DGKI: variants seen among roughly 807,000 people sequenced by gnomAD.
The protein encoded by DGKI is diacylglycerol kinase iota.
In DGKI, 55 loss-of-function variants were observed where a neutral mutation model predicts 147.5. The observed-to-expected ratio is 0.37, with a 90% CI of 0.30 to 0.47. The LOEUF (loss-of-function observed/expected upper bound fraction) is 0.47, where lower values mean the gene tolerates loss of function less well. Ranked by LOEUF, DGKI falls within the 20% of genes least tolerant of loss-of-function variation. The pLI, the probability that DGKI is intolerant of heterozygous loss-of-function variation, is 1.00. For synonymous variants in DGKI, 469 were observed against 477.1 expected (o/e 0.98, Z 0.22); for missense variants, 1,007 against 1,323.8 (o/e 0.76, Z 3.71).
intron 28 of DGKI, among the ~76,000 whole-genome samples, chr7:137,418,925 T>A (rs954930400): frequency 3.3e-5 from 5 of 152,152 alleles, no homozygotes; most frequent in Admixed American, 1.3e-4. Flanking sequence ...TCTTGAGGAG[T>A]AATAATACTC....
intron 1 of DGKI, among the ~76,000 whole-genome samples, chr7:137,735,267 T>G (rs1461002664): frequency 1.3e-5 from 2 of 152,164 alleles, no homozygotes; most frequent in African/African-American, 4.8e-5. Flanking sequence ...TGCCTCATAC[T>G]TTTGTTTTAG....
At chr7:137,787,355 C>A (rs1050047975) in intron 1 of DGKI, among the ~76,000 whole-genome samples, 1 of 152,042 alleles carries the variant, frequency 6.6e-6, no homozygotes, top group African/African-American at 2.4e-5. Flanking sequence ...GACCAACAAG[C>A]ACAGGAAAAA....
intron 1 of DGKI, among the ~76,000 whole-genome samples, chr7:137,711,853 C>T (rs1176437529): frequency 6.6e-6 from 1 of 151,732 alleles, no homozygotes; most frequent in African/African-American, 2.4e-5. Context: ...ACCAACACAC[C>T]CAGCTAGTTT....
intron 10 of DGKI, among the ~76,000 whole-genome samples, chr7:137,606,561 T>C (rs1052540526): frequency 2.0e-5 from 3 of 152,216 alleles, no homozygotes; most frequent in Admixed American, 2.0e-4. Flanking sequence ...CCACCCCGAC[T>C]TACTGAAGCA....
intron 6 of DGKI, among the ~76,000 whole-genome samples, chr7:137,638,617 C>CATATATGTGTATATAT (rs1563125886): frequency 0.019 from 108 of 5,590 alleles, 15 homozygotes; most frequent in African/African-American, 0.041. Flanking sequence ...TATATACACA[C>CATATATGTGTATATAT]ACACATATAT....
chr7:137,407,694 C>T (rs923877244), intron 30 of DGKI, among the ~76,000 whole-genome samples, 181 bp downstream of exon 30: 1 of 152,104 alleles, frequency 6.6e-6, no homozygotes, highest in African/African-American at 2.4e-5. Context: ...TAGGATGGCC[C>T]GTATGTGTCA....
chr7:137,783,293 A>G (rs1006564623), intron 1 of DGKI, among the ~76,000 whole-genome samples: 1 of 152,244 alleles, frequency 6.6e-6, no homozygotes, highest in African/African-American at 2.4e-5. Context: ...AAACCATCAC[A>G]ACTTCTGGAA....
At chr7:137,738,722 G>GT (rs201164580) in intron 1 of DGKI, among the ~76,000 whole-genome samples, 4,713 of 31,912 alleles carry the variant, frequency 0.15, 192 homozygotes, top group East Asian at 0.44. Flanking sequence ...AGAAGATGAG[G>GT]TTCCCCCCCC....
At chr7:137,830,299 G>A (rs757313665) in intron 1 of DGKI, among the ~76,000 whole-genome samples, 9 of 152,198 alleles carry the variant, frequency 5.9e-5, no homozygotes, top group Non-Finnish European at 1.2e-4. Flanking sequence ...TATGCCTATG[G>A]TATGTAGGTG....
At chr7:137,512,305 T>C (rs964200204) in intron 21 of DGKI, among the ~76,000 whole-genome samples, 1 of 152,210 alleles carries the variant, frequency 6.6e-6, no homozygotes, top group Non-Finnish European at 1.5e-5. Context: ...ACAACAGCCC[T>C]CTGTAAACCA....
chr7:137,615,500 GATACAT>G (rs959051301), intron 8 of DGKI, among the ~76,000 whole-genome samples: 1 of 149,702 alleles, frequency 6.7e-6, no homozygotes, highest in Non-Finnish European at 1.5e-5. Flanking sequence ...ATAGAATATA[GATACAT>G]ATACATATAT....
chr7:137,727,111 T>C (rs1433029201), intron 1 of DGKI, among the ~76,000 whole-genome samples: 4 of 152,122 alleles, frequency 2.6e-5, no homozygotes, highest in Non-Finnish European at 5.9e-5. Flanking sequence ...CACTTCCTAA[T>C]GTTATTTCCA....
intron 12 of DGKI, among the ~76,000 whole-genome samples, chr7:137,591,195 G>C (rs1324187080): frequency 6.6e-6 from 1 of 152,224 alleles, no homozygotes; most frequent in African/African-American, 2.4e-5. Flanking sequence ...GTGTGTGAAT[G>C]TAAAGGTGCT....
At chr7:137,618,155 T>A (rs866338904) in intron 8 of DGKI, among the ~76,000 whole-genome samples, 42 of 14,344 alleles carry the variant, frequency 2.9e-3, no homozygotes, top group Non-Finnish European at 8.5e-3. Context: ...ATATATATTT[T>A]TTTTTTTTTA....
intron 23 of DGKI, among the ~76,000 whole-genome samples, chr7:137,482,616 C>T (rs1815411265): frequency 6.6e-6 from 1 of 151,974 alleles, no homozygotes; most frequent in Admixed American, 6.6e-5. Flanking sequence ...CCTATGCCTC[C>T]AACTCATTCC....
intron 6 of DGKI, among the ~76,000 whole-genome samples, chr7:137,625,980 A>G (rs1014899471): frequency 2.6e-5 from 4 of 152,176 alleles, no homozygotes; most frequent in African/African-American, 9.7e-5. Context: ...CACTGAGTCC[A>G]GTATTCCTTC....
chr7:137,670,025 A>C (rs897944049), intron 3 of DGKI, among the ~76,000 whole-genome samples: 26 of 152,204 alleles, frequency 1.7e-4, no homozygotes, highest in Non-Finnish European at 3.4e-4. Flanking sequence ...AAAAAGTAGG[A>C]AATCCTGCAT....
At chr7:137,554,403 C>G (rs1182529116) in intron 19 of DGKI, among the ~76,000 whole-genome samples, 1 of 152,102 alleles carries the variant, frequency 6.6e-6, no homozygotes, top group African/African-American at 2.4e-5. Flanking sequence ...TCGTGACAGT[C>G]GCTGTCTATT....
intron 1 of DGKI, among the ~76,000 whole-genome samples, chr7:137,773,437 G>A (rs1220591941): frequency 1.3e-5 from 2 of 152,152 alleles, no homozygotes; most frequent in African/African-American, 4.8e-5. Flanking sequence ...TGATCCCCAG[G>A]AAAAGCTGGA....
Sources: gnomAD v4.1 joint callset for allele counts (sites outside exome capture counted in the v4.1 genomes callset) on GRCh38, gnomAD v4.1.1 for gene constraint, MANE v1.5 for transcripts, NCBI Gene and HGNC (gene_info 2026-07-23, HGNC 2026-07-21) for gene names.